Variants in SOD2 observed in about 807,000 individuals in gnomAD.
SOD2 encodes superoxide dismutase 2.
A neutral mutation model predicts 27.0 loss-of-function variants in SOD2; 11 were observed. The ratio of observed to expected loss-of-function variants is 0.41; its 90% confidence interval spans 0.26 to 0.67. The LOEUF (loss-of-function observed/expected upper bound fraction) is 0.67. SOD2 is among the 30% of genes least tolerant of loss of function. SOD2 has a pLI of 0.34. For missense variants in SOD2, 250 were observed against 274.5 expected (o/e 0.91, Z 0.63); for synonymous variants, 105 against 103.0 (o/e 1.02, Z -0.12).
intron 1 of SOD2, among the ~76,000 whole-genome samples, chr6:159,739,680 A>G (rs1236037104): frequency 6.6e-6 from 1 of 152,204 alleles, no homozygotes; most frequent in Non-Finnish European, 1.5e-5. Context: ...ATAAAAATAA[A>G]ATAAGTATTT....
rs78795459 is a variant in SOD2, at chr6:159,741,586, G to A, written c.-116+3544C>T. 355 of 152,942 alleles carry A rather than the reference G, an allele frequency of 2.3e-3. 1 individual carries two copies. The highest frequency in any genetic ancestry group is 0.013 in the Middle Eastern group (4 of 300). 9.5% of individuals were successfully genotyped at this position (152,942 alleles called of 1,614,324 possible). On this transcript the variant is annotated intron_variant, in intron 1 of 3. Transcript: ENST00000537657. ...TGAATCTGGGGTTTGATCTCACCCA[G>A]GGCATGCTTGGCATGTTCTCAGCAG...
chr6:159,688,376 T>C (rs1780292826), intron 2 of SOD2, 134 bp from the exon 3 acceptor site: 3 of 620,972 alleles, frequency 4.8e-6, no homozygotes, highest in East Asian at 5.6e-5. Flanking sequence ...GTCCTAAAAT[T>C]CAGCACCCCC....
At chr6:159,753,326 A>C in intron 1 of SOD2, 1 of 1,250,682 alleles carries the variant, frequency 8.0e-7, no homozygotes, top group Non-Finnish European at 1.1e-6. Context: ...CCAGAAAAGA[A>C]GATGGTAATT....
chr6:159,726,750 C>A, intron 1 of SOD2: 4 of 1,282,504 alleles, frequency 3.1e-6, no homozygotes, highest in Non-Finnish European at 4.1e-6. Flanking sequence ...CTCCTCGATG[C>A]GTCTCCAGAG....
intron 1 of SOD2, chr6:159,754,995 A>G: frequency 6.4e-7 from 1 of 1,557,886 alleles, no homozygotes; most frequent in East Asian, 2.3e-5. Context: ...GTTATAAACG[A>G]TATTAAAGTT....
chr6:159,746,077 A>G (rs1005162412), upstream of SOD2, among the ~76,000 whole-genome samples: 2 of 152,234 alleles, frequency 1.3e-5, no homozygotes, highest in Non-Finnish European at 2.9e-5. Flanking sequence ...TCCTTCCCCA[A>G]AATACAAAGT....
chr6:159,702,132 T>C (rs889449789), intron 1 of SOD2, among the ~76,000 whole-genome samples: 6 of 152,166 alleles, frequency 3.9e-5, no homozygotes, highest in Non-Finnish European at 7.3e-5. Context: ...AAACATACTT[T>C]AGATTACATT....
At chr6:159,744,001 G>A (rs1048523458) in intron 1 of SOD2, among the ~76,000 whole-genome samples, 1 of 151,668 alleles carries the variant, frequency 6.6e-6, no homozygotes, top group African/African-American at 2.4e-5. Context: ...AAAGTTTTAA[G>A]TTTTTTTTGA....
chr6:159,745,468 G>C (rs1435456182), upstream of SOD2, among the ~76,000 whole-genome samples: 2 of 150,588 alleles, frequency 1.3e-5, no homozygotes, highest in Admixed American at 6.6e-5. Flanking sequence ...GCTGTCACCT[G>C]CATACGCCAG....
upstream of SOD2, among the ~76,000 whole-genome samples, chr6:159,747,013 A>G (rs940470104): frequency 6.6e-6 from 1 of 152,172 alleles, no homozygotes; most frequent in Non-Finnish European, 1.5e-5. Context: ...CTGGCTTCAC[A>G]TTGACTATGC....
At chr6:159,695,537 G>A (rs571009019), upstream of SOD2, among the ~76,000 whole-genome samples, 31 of 152,168 alleles carry the variant, frequency 2.0e-4, no homozygotes, top group Non-Finnish European at 4.4e-4. Context: ...TCTTTTTGTC[G>A]CCCAGGCTGG....
intron 1 of SOD2, among the ~76,000 whole-genome samples, chr6:159,723,118 C>G (rs1156754712): frequency 6.6e-6 from 1 of 152,198 alleles, no homozygotes; most frequent in Admixed American, 6.5e-5. Context: ...TGCCTTTGAA[C>G]CTCTGCTAAA....
intron 1 of SOD2, chr6:159,755,680 C>A: frequency 7.5e-7 from 1 of 1,341,184 alleles, no homozygotes; most frequent in Non-Finnish European, 9.5e-7. Context: ...AAAATTAATG[C>A]ATACTTTTGT....
chr6:159,749,237 T>C (rs2114948867), upstream of SOD2: 1 of 985,828 alleles, frequency 1.0e-6, no homozygotes, highest in African/African-American at 1.7e-5. Context: ...TGTATAAGGA[T>C]ATTAGCTGTG....
rs954440878 is a variant in SOD2 at position 159,674,130 on chromosome 6, G to A, written c.*8363C>T. ...TAGCCTACCAACCAAAAAAAGTCCA[G>A]GACAAGATGGATTCACAGCCGAATT... is the stretch of plus-strand genomic sequence containing the variant. On this transcript the variant is annotated 3_prime_UTR_variant, in exon 5 of 5. Transcript: ENST00000538183. The A allele has an allele frequency of 6.6e-6, 1 of 152,144 alleles. No individual in the cohort carries two copies. The highest frequency in any genetic ancestry group is 2.4e-5 in the African/African-American group (1 of 41,412). The allele number at this position is 152,144 out of a possible 1,614,324, so 9.4% of individuals were successfully genotyped here. A position where few individuals can be genotyped will look rare whatever the true frequency, so the allele number is the denominator to read the frequency against.
chr6:159,740,663 G>C (rs571747918), intron 1 of SOD2, among the ~76,000 whole-genome samples: 1 of 151,270 alleles, frequency 6.6e-6, no homozygotes, highest in African/African-American at 2.4e-5. Context: ...ATAGAAAGTG[G>C]ATTAGTTTGG....
upstream of SOD2, among the ~76,000 whole-genome samples, chr6:159,728,740 T>A (rs1778382398): frequency 6.6e-6 from 1 of 152,248 alleles, no homozygotes; most frequent in Non-Finnish European, 1.5e-5. Flanking sequence ...GGGGAAAGAT[T>A]GCAGTCCGCA....
intron 1 of SOD2, among the ~76,000 whole-genome samples, chr6:159,725,130 A>G (rs976966645): frequency 2.0e-5 from 3 of 152,174 alleles, no homozygotes; most frequent in African/African-American, 7.2e-5. Flanking sequence ...TCTCCTGCAT[A>G]TAAGGAAAGA....
intron 1 of SOD2, among the ~76,000 whole-genome samples, chr6:159,701,594 T>C (rs1323178105): frequency 1.4e-5 from 2 of 147,022 alleles, no homozygotes; most frequent in Non-Finnish European, 3.0e-5. Flanking sequence ...AAAAAAGTCA[T>C]GGGACCAGCA....
Sources: allele counts gnomAD v4.1 joint callset (sites outside exome capture counted in the v4.1 genomes callset), GRCh38; gene constraint gnomAD v4.1.1; transcripts MANE v1.5; gene names NCBI Gene and HGNC (gene_info 2026-07-23, HGNC 2026-07-21).